Variants in GREB1L observed in about 807,000 individuals in gnomAD.
The protein encoded by GREB1L is GREB1 like retinoic acid receptor coactivator, also known as GREB1-like protein.
GREB1L carries 17 observed loss-of-function variants against 200.8 expected under a neutral mutation model. The ratio of observed to expected loss-of-function variants is 0.08; its 90% CI spans 0.06 to 0.13. The LOEUF is 0.13. Among genes scored for constraint, GREB1L ranks in the 10% least tolerant of loss-of-function variants. The pLI is 1.00. For synonymous variants in GREB1L, 789 were observed against 893.0 expected (o/e 0.88, Z 2.08); for missense variants, 1,657 against 2,367.7 (o/e 0.70, Z 6.23).
chr18:21,284,654 G>T (rs1021041275), intron 1 of GREB1L, among the ~76,000 whole-genome samples: 1 of 152,128 alleles, frequency 6.6e-6, no homozygotes, highest in African/African-American at 2.4e-5. Flanking sequence ...ACAAATTTTT[G>T]TATGGATGTA....
At chr18:21,280,897 C>G (rs1378126537) in intron 1 of GREB1L, among the ~76,000 whole-genome samples, 2 of 152,178 alleles carry the variant, frequency 1.3e-5, no homozygotes, top group African/African-American at 2.4e-5. Flanking sequence ...TGGTTAGATT[C>G]TACAGAGAGA....
intron 2 of GREB1L, among the ~76,000 whole-genome samples, chr18:21,372,933 T>G (rs1242777303): frequency 2.0e-5 from 3 of 151,976 alleles, no homozygotes; most frequent in African/African-American, 7.3e-5. Flanking sequence ...CCTTTTTCTT[T>G]TCTTTTCTTT....
chr18:21,419,400 T>C (rs547890630), intron 7 of GREB1L, among the ~76,000 whole-genome samples: 3 of 152,198 alleles, frequency 2.0e-5, no homozygotes, highest in Non-Finnish European at 4.4e-5. Flanking sequence ...CAAATGTCAA[T>C]TGTATTTTTA....
chr18:21,487,584 A>G (rs1224094155), intron 18 of GREB1L, among the ~76,000 whole-genome samples: 1 of 152,220 alleles, frequency 6.6e-6, no homozygotes, highest in Non-Finnish European at 1.5e-5. Context: ...AATCCTTGCA[A>G]TGTGTGAAGA....
chr18:21,468,705 A>G (rs8083036), intron 15 of GREB1L: 121,482 of 456,286 alleles, frequency 0.27, 21,013 homozygotes, highest in African/African-American at 0.52. Flanking sequence ...CTTTCTCTTC[A>G]TGTCGTTTTT....
chr18:21,383,503 T>C lies in GREB1L; in HGVS notation c.-9-7T>C. On this transcript the variant is annotated splice_region_variant and splice_polypyrimidine_tract_variant and intron_variant, in intron 2 of 32. Coordinates refer to ENST00000424526, the MANE Select transcript of GREB1L (RefSeq NM_001142966.3). ...TATCCTTTCTTCTTTTTCTTGGGGA[T>C]GGGTAGGTGTAGATCATGGGGAATT... The C allele has an allele frequency of 1.3e-6, 2 of 1,499,184 alleles. No individual in the cohort carries two copies. The highest frequency in any genetic ancestry group is 8.9e-7 in the Non-Finnish European group (1 of 1,126,684). The allele number at this position is 1,499,184 out of a possible 1,614,324, so 92.9% of individuals were successfully genotyped here.
chr18:21,248,183 G>T (rs2037639314), intron 1 of GREB1L, among the ~76,000 whole-genome samples: 1 of 152,128 alleles, frequency 6.6e-6, no homozygotes. Flanking sequence ...AACCTGAGTT[G>T]TGAAGCAAGA....
chr18:21,433,124 C>T (rs1255011537), intron 7 of GREB1L, among the ~76,000 whole-genome samples: 1 of 152,198 alleles, frequency 6.6e-6, no homozygotes, highest in African/African-American at 2.4e-5. Flanking sequence ...CTTCCTCCTT[C>T]AATATGTTAA....
intron 1 of GREB1L, among the ~76,000 whole-genome samples, 199 bp downstream of exon 1, chr18:21,242,592 G>C (rs1282337743): frequency 6.6e-6 from 1 of 152,144 alleles, no homozygotes; most frequent in Non-Finnish European, 1.5e-5. Context: ...CGGGTGGCGA[G>C]GGAGCGCCAG....
At chr18:21,336,958 A>G (rs947366239) in intron 1 of GREB1L, among the ~76,000 whole-genome samples, 7 of 151,368 alleles carry the variant, frequency 4.6e-5, no homozygotes, top group Admixed American at 3.9e-4. Flanking sequence ...AGTAATTAGT[A>G]TTCAATAATG....
At chr18:21,499,648 C>A in intron 21 of GREB1L, 81 bp from the exon 22 acceptor site, 1 of 1,025,694 alleles carries the variant, frequency 9.7e-7, no homozygotes, top group South Asian at 1.6e-5. Flanking sequence ...GTGTCCACTG[C>A]TTTCCTGGCC....
At chr18:21,416,377 C>T (rs554230730) in intron 7 of GREB1L, among the ~76,000 whole-genome samples, 1 of 152,180 alleles carries the variant, frequency 6.6e-6, no homozygotes, top group African/African-American at 2.4e-5. Context: ...AAATAATCCC[C>T]CACAGGTTCC....
intron 10 of GREB1L, 39 bp downstream of exon 10, chr18:21,441,576 A>C (rs1246577854): frequency 6.6e-6 from 10 of 1,514,312 alleles, no homozygotes; most frequent in Admixed American, 2.2e-5. Context: ...TGTCTGCTGG[A>C]ATCTAGGAGT....
At chr18:21,254,300 C>T (rs2037766561) in intron 1 of GREB1L, among the ~76,000 whole-genome samples, 2 of 151,942 alleles carry the variant, frequency 1.3e-5, no homozygotes, top group African/African-American at 4.8e-5. Flanking sequence ...GAACTCCTTT[C>T]CTCAGGTGAT....
intron 1 of GREB1L, among the ~76,000 whole-genome samples, chr18:21,310,416 G>A (rs985181187): frequency 6.6e-6 from 1 of 152,172 alleles, no homozygotes; most frequent in South Asian, 2.1e-4. Context: ...TCTAAAAGAA[G>A]AAATGTAATG....
chr18:21,243,595 G>C lies in GREB1L; in HGVS notation c.-120+1202G>C, dbSNP rs559241797. On this transcript the variant is annotated intron_variant, in intron 1 of 32. Coordinates refer to ENST00000424526, the MANE Select transcript of GREB1L (RefSeq NM_001142966.3). Reference sequence around the variant, plus strand: ...TTCCCACAAAAGGTTTTTGAACTCAGTCCCCCTTAATAAAACCTCTCATTC... The same window carrying C: ...TTCCCACAAAAGGTTTTTGAACTCACTCCCCCTTAATAAAACCTCTCATTC... Among the ~76,000 whole-genome samples the C allele has an allele frequency of 1.1e-4, 16 of 152,300 alleles. No individual in the cohort carries two copies. In the South Asian group the frequency reaches 3.1e-3, roughly 30 times the overall value.
chr18:21,395,073 T>C (rs1598750592), intron 4 of GREB1L, among the ~76,000 whole-genome samples: 1 of 121,784 alleles, frequency 8.2e-6, no homozygotes, highest in Admixed American at 1.1e-4. Context: ...ACCATTGCAC[T>C]CCAGCCTGGG....
At chr18:21,400,977 A>G (rs574301538) in intron 5 of GREB1L, among the ~76,000 whole-genome samples, 173 bp from the exon 6 acceptor site, 2 of 152,248 alleles carry the variant, frequency 1.3e-5, no homozygotes, top group African/African-American at 4.8e-5. Flanking sequence ...TTTCACTGTT[A>G]TAAAATAACT....
In GREB1L at chr18:21,513,785, G is replaced by A. The variant is rs918994945; in HGVS notation, c.4736-36G>A. 6.5e-6 allele frequency: 10 copies of A among 1,539,708 alleles called. No individual in the cohort carries two copies. The African/African-American group carries it at 1.2e-4, about 19-fold the overall frequency. On this transcript the variant is annotated intron_variant, in intron 27 of 32. Coordinates refer to ENST00000424526, the MANE Select transcript of GREB1L (RefSeq NM_001142966.3). Reference sequence around the variant, plus strand: ...CTTCAGCCAAGCCTGAGTGAAGGATGTGTGGATATGCAGATGTGGTTATGT... The same window carrying A: ...CTTCAGCCAAGCCTGAGTGAAGGATATGTGGATATGCAGATGTGGTTATGT...
Sources: gnomAD v4.1 joint callset for allele counts (sites outside exome capture counted in the v4.1 genomes callset) on GRCh38, gnomAD v4.1.1 for gene constraint, MANE v1.5 for transcripts, NCBI Gene and HGNC (gene_info 2026-07-23, HGNC 2026-07-21) for gene names.